Variants in LHX3 observed in about 807,000 individuals in gnomAD.
LHX3 encodes LIM/homeobox protein Lhx3.
In LHX3, 21 loss-of-function variants were observed where a neutral mutation model predicts 32.4. That is an observed-to-expected ratio of 0.65 (90% CI 0.46 to 0.93). The LOEUF is 0.93. Among genes scored for constraint, LHX3 ranks in the 40% least tolerant of loss-of-function variants. LHX3 has a pLI of 0.00. For missense variants in LHX3, 626 were observed against 560.0 expected, an observed-to-expected ratio of 1.12 and a Z score of -1.19; for synonymous variants, 258 against 246.8, an observed-to-expected ratio of 1.05 and a Z score of -0.43.
intron 1 of LHX3, among the ~76,000 whole-genome samples, chr9:136,204,482 G>GCCCTCCAA (rs1206702390): frequency 6.6e-6 from 1 of 152,210 alleles, no homozygotes; most frequent in East Asian, 1.9e-4. Context: ...CATCTGGCCA[G>GCCCTCCAA]CCCTCCAACA....
At chr9:136,203,050 G>A (rs1417955516) in intron 1 of LHX3, 5 of 1,516,798 alleles carry the variant, frequency 3.3e-6, no homozygotes, top group Non-Finnish European at 3.5e-6. Context: ...GGGTCCCGCC[G>A]CCCGGCGTCG....
At chr9:136,201,782 G>A in intron 1 of LHX3, 1 of 841,156 alleles carries the variant, frequency 1.2e-6, no homozygotes, top group Non-Finnish European at 1.4e-6. Context: ...CCCGCATCCG[G>A]CAAAACCGCA....
At position 136,203,001 on chromosome 9, in the gene LHX3, C is replaced by T. The variant is rs1391957672; in HGVS notation, c.79+1933G>A. On this transcript the variant is annotated intron_variant, in intron 1 of 5. Transcript: ENST00000371748. ...GTGCTAGCAGCAGGTCGCCTCCCGC[C>T]GACTCCCGGGCCGGGCCCAGCTCCC... is the stretch of plus-strand genomic sequence containing the variant. 6.6e-7 allele frequency: 1 copy of T among 1,525,016 alleles called. No homozygotes were observed. Among genetic ancestry groups the T allele is most frequent in the Non-Finnish European group, 8.8e-7 (1 of 1,142,618 alleles). 94.5% of individuals were successfully genotyped at this position (1,525,016 alleles called of 1,614,324 possible). A position where few individuals can be genotyped will look rare whatever the true frequency, so the allele number is the denominator to read the frequency against.
chr9:136,200,654 T>C lies in LHX3; in HGVS notation c.179A>G (p.Asp60Gly), dbSNP rs758210391. 1.4e-5 allele frequency: 22 copies of C among 1,613,476 alleles called. No homozygotes were observed. The highest frequency in any genetic ancestry group is 1.4e-5 in the Non-Finnish European group (17 of 1,180,028). The change falls in exon 2 of 6, where the codon GAC becomes GGC. Residue 60 changes from aspartate to glycine, a missense_variant. Coordinates refer to ENST00000371748, the MANE Select transcript of LHX3 (RefSeq NM_178138.6). The stretch of plus-strand genomic sequence containing the variant: ...GCGCTCGGCCAGTGGCGTGTGGCAG[T>C]CGCTGCACTTGAGACACTTGCTGTG... ...HWHSKCLKCS[D>G]CHTPLAERCF... is the part of the protein sequence containing the mutation.
chr9:136,199,884 C>T lies in LHX3; in HGVS notation c.252-4G>A, dbSNP rs372058376. 3 of 1,582,044 alleles carry T rather than the reference C, an allele frequency of 1.9e-6. No homozygotes were observed. The highest frequency in any genetic ancestry group is 2.6e-6 in the Non-Finnish European group (3 of 1,164,722). On this transcript the variant is annotated splice_region_variant and splice_polypyrimidine_tract_variant and intron_variant, in intron 2 of 5. Coordinates refer to ENST00000371748, the MANE Select transcript of LHX3 (RefSeq NM_178138.6). ...GGCGCACTTGGTCCCGAAGCGCCTG[C>T]GGGACGCACAGGGCCGGGCTCAGCG...
chr9:136,199,094 C>T, intron 3 of LHX3, 35 bp from the exon 4 acceptor site: 1 of 1,319,636 alleles, frequency 7.6e-7, no homozygotes, highest in South Asian at 1.8e-5. Flanking sequence ...CGCGGCAGCC[C>T]CTCCGGCCCC....
intron 1 of LHX3, chr9:136,201,406 C>T (rs905958086): frequency 4.5e-5 from 55 of 1,231,546 alleles, no homozygotes; most frequent in African/African-American, 1.2e-4. Context: ...GTTACTCAAA[C>T]GTCTGGCTTC....
chr9:136,198,192 G>A (rs1831543148), intron 5 of LHX3, among the ~76,000 whole-genome samples: 1 of 152,214 alleles, frequency 6.6e-6, no homozygotes, highest in East Asian at 1.9e-4. Context: ...GGTGCCCGGA[G>A]AATGAAATAA....
intron 1 of LHX3, chr9:136,201,524 G>C: frequency 8.7e-7 from 1 of 1,147,734 alleles, no homozygotes; most frequent in South Asian, 4.4e-5. Flanking sequence ...CTGTGAGCGG[G>C]TTTTCCAGGT....
intron 1 of LHX3, among the ~76,000 whole-genome samples, chr9:136,204,044 C>T (rs989846990): frequency 2.0e-5 from 3 of 152,216 alleles, no homozygotes; most frequent in East Asian, 1.9e-4. Flanking sequence ...CCTGGCAGTG[C>T]GCAGAAACAC....
Position 136,197,195 on chromosome 9 carries a change from T to A in LHX3, c.*130A>T. 1.0e-6 allele frequency: 1 copy of A among 971,818 alleles called. No individual in the cohort carries two copies. The highest frequency in any genetic ancestry group is 1.5e-5 in the South Asian group (1 of 67,844). 60.2% of individuals were successfully genotyped at this position (971,818 alleles called of 1,614,324 possible). Reference sequence around the variant, plus strand: ...AGAGAGGGAGCTGTGCGGTCGGCAGTGGGAGGCTCCGAAGGCACCAGCCCT... The same window carrying A: ...AGAGAGGGAGCTGTGCGGTCGGCAGAGGGAGGCTCCGAAGGCACCAGCCCT... On this transcript the variant is annotated 3_prime_UTR_variant, in exon 6 of 6. Coordinates refer to ENST00000371748, the MANE Select transcript of LHX3 (RefSeq NM_178138.6).
In LHX3 at chr9:136,197,631, C is replaced by A. The variant is rs780576895; in HGVS notation, c.888G>T (p.Glu296Asp). The A allele has an allele frequency of 4.4e-6, 7 of 1,582,396 alleles. No individual in the cohort carries two copies. Among genetic ancestry groups the A allele is most frequent in the Non-Finnish European group, 5.1e-6 (6 of 1,165,764 alleles). ...PSGALGNFSLEHGGLAGPEQY... is the reference protein window; with the variant it reads ...PSGALGNFSLDHGGLAGPEQY... ...GCTCTGGGCCTGCCAGGCCTCCATG[C>A]TCCAGGGAGAAGTTGCCCAGGGCTC... Residue 296 changes from glutamate to aspartate, a missense_variant, in exon 6 of 6, where the codon GAG becomes GAT. Coordinates refer to ENST00000371748, the MANE Select transcript of LHX3 (RefSeq NM_178138.6).
chr9:136,198,916 C>T lies in LHX3; in HGVS notation c.598G>A (p.Val200Met). Residue 200 changes from valine to methionine, a missense_variant, in exon 4 of 6, where the codon GTG (valine) becomes ATG (methionine). Transcript: ENST00000371748. ...LSSETGLDMR[V>M]VQVWFQNRRA... ...CAGGGGCGAGCGCTGACCTGCACCA[C>T]GCGCATGTCCAGGCCCGTCTCGGAC... 1 of 1,588,730 alleles carries T rather than the reference C, an allele frequency of 6.3e-7. No homozygotes were observed. Among genetic ancestry groups the T allele is most frequent in the Non-Finnish European group, 8.5e-7 (1 of 1,172,008 alleles).
Position 136,198,773 on chromosome 9 carries a change from G to T in LHX3, c.654C>A (p.Asp218Glu), listed in dbSNP as rs1259953975. The change falls in exon 5 of 6, where the codon GAC becomes GAA. Residue 218 changes from aspartate to glutamate, a missense_variant. Asp to Glu is a conservative substitution (Grantham distance 45). Coordinates refer to ENST00000371748, the MANE Select transcript of LHX3 (RefSeq NM_178138.6). ...RRAKEKRLKK[D>E]AGRQRWGQYF... is the part of the protein sequence containing the mutation. ...ACTGCCCCCAGCGCTGCCGGCCGGC[G>T]TCCTTCTTCAGCCTCTTCTCCTTGG... The T allele has an allele frequency of 5.0e-6, 8 of 1,611,056 alleles. No individual in the cohort carries two copies. Among genetic ancestry groups the T allele is most frequent in the Non-Finnish European group, 5.9e-6 (7 of 1,179,756 alleles).
At position 136,199,217 on chromosome 9, in the gene LHX3, T is replaced by C. The variant is rs1435869074; in HGVS notation, c.455-158A>G. Among the ~76,000 whole-genome samples the C allele has an allele frequency of 2.0e-5, 3 of 151,712 alleles. No individual in the cohort carries two copies. The East Asian group carries it at 5.9e-4, about 30-fold the overall frequency. ...GGAAGGCGCGGGCGCTGGGAGCGAT[T>C]GGCAAAAACGGGCAGCACCCGGGCT... is the stretch of plus-strand genomic sequence containing the variant. On this transcript the variant is annotated intron_variant, in intron 3 of 5. Transcript: ENST00000371748.
Position 136,197,357 on chromosome 9 carries a change from A to AGGAGGCGGGGCTGGCAGG in LHX3, c.1144_1161dup (p.Pro382_Ser387dup). 3 of 1,612,196 alleles carry AGGAGGCGGGGCTGGCAGG rather than the reference A, an allele frequency of 1.9e-6. No individual in the cohort carries two copies. The highest frequency in any genetic ancestry group is 2.5e-6 in the Non-Finnish European group (3 of 1,179,908). On this transcript the variant is annotated inframe_insertion, in exon 6 of 6. Transcript: ENST00000371748. Reference sequence around the variant, plus strand: ...TGAGCGTGGTCTACCTCATCCAGCCAGGAGGCGGGGCTGGCAGGGAAGTCG... The same window carrying AGGAGGCGGGGCTGGCAGG: ...TGAGCGTGGTCTACCTCATCCAGCCAGGAGGCGGGGCTGGCAGGGGAGGCGGGGCTGGCAGGGAAGTCG...
intron 4 of LHX3, 27 bp downstream of exon 4, chr9:136,198,881 G>C (rs1311142725): frequency 1.3e-6 from 2 of 1,591,272 alleles, no homozygotes. Flanking sequence ...GGCCGCGGGC[G>C]GGAGGGAAGC....
chr9:136,198,981 G>C lies in LHX3; in HGVS notation c.533C>G (p.Thr178Ser), dbSNP rs764835068. Residue 178 changes from threonine to serine, a missense_variant, in exon 4 of 6, where the codon ACC becomes AGC. Thr to Ser is a moderately conservative substitution (Grantham distance 58). Coordinates refer to ENST00000371748, the MANE Select transcript of LHX3 (RefSeq NM_178138.6). ...QLETLKSAYNTSPKPARHVRE... is the reference protein window; with the variant it reads ...QLETLKSAYNSSPKPARHVRE... ...CACGTGGCGCGCCGGCTTGGGCGAGGTGTTGTAAGCGCTCTTCAGCGTCTC... is the reference window on the plus strand; with the variant it reads ...CACGTGGCGCGCCGGCTTGGGCGAGCTGTTGTAAGCGCTCTTCAGCGTCTC... 3 of 1,594,168 alleles carry C rather than the reference G, an allele frequency of 1.9e-6. No homozygotes were observed. Among genetic ancestry groups the C allele is most frequent in the African/African-American group, 1.4e-5 (1 of 73,440 alleles).
In LHX3 at chr9:136,204,943, C is replaced by G. The variant is rs758856789; in HGVS notation, c.70G>C (p.Gly24Arg). The G allele has an allele frequency of 3.7e-6, 6 of 1,601,250 alleles. No homozygotes were observed. The change falls in exon 1 of 6, where the codon GGG (glycine) becomes CGG (arginine). Residue 24 changes from glycine (G) to arginine (R), a missense_variant. Transcript: ENST00000371748. ...PGAAAVCTLG[G>R]TREIPLCAGC... ...TCCTGCTGGGGCTTACCCCGAGTCC[C>G]GCCCAAGGTGCAGACGGCGGCGGCC...
Sources: gnomAD v4.1 joint callset for allele counts (sites outside exome capture counted in the v4.1 genomes callset) on GRCh38, gnomAD v4.1.1 for gene constraint, MANE v1.5 for transcripts, NCBI Gene and HGNC (gene_info 2026-07-23, HGNC 2026-07-21) for gene names.